Variants in RANBP2 observed in about 807,000 individuals in gnomAD.
RANBP2 encodes E3 SUMO-protein ligase RanBP2.
A neutral mutation model predicts 303.6 loss-of-function variants in RANBP2; 57 were observed. The ratio of observed to expected loss-of-function variants is 0.19; its 90% CI spans 0.15 to 0.23. The LOEUF (loss-of-function observed/expected upper bound fraction) is 0.23, where lower values mean the gene tolerates loss of function less well. Among genes scored for constraint, RANBP2 ranks in the 10% least tolerant of loss-of-function variants. The pLI is 1.00. For synonymous variants in RANBP2, 1,167 were observed against 1,301.5 expected (o/e 0.90, Z 2.23); for missense variants, 3,138 against 3,780.8 (o/e 0.83, Z 4.46).
the RANBP2 span, among the ~76,000 whole-genome samples, chr2:109,451,879 G>A: frequency 6.6e-6 from 1 of 152,350 alleles, no homozygotes; most frequent in South Asian, 2.1e-4. Context: ...CTGGACACAT[G>A]CTGTGGGAGC....
downstream of RANBP2, chr2:108,788,902 T>C: frequency 6.2e-7 from 1 of 1,614,062 alleles, no homozygotes; most frequent in Non-Finnish European, 8.5e-7. Flanking sequence ...GTTAAAATAT[T>C]CTGATGAAAG....
At chr2:108,950,625 G>C in the RANBP2 span, among the ~76,000 whole-genome samples, 5 of 152,322 alleles carry the variant, frequency 3.3e-5, no homozygotes, top group Middle Eastern at 3.4e-3. Context: ...TCTGCATTCT[G>C]GACGTGACAC....
the RANBP2 span, among the ~76,000 whole-genome samples, chr2:109,445,030 G>A: frequency 6.6e-6 from 1 of 152,034 alleles, no homozygotes; most frequent in Non-Finnish European, 1.5e-5. Flanking sequence ...ATTTTGGAGA[G>A]GAAAAATATA....
the RANBP2 span, among the ~76,000 whole-genome samples, chr2:108,912,509 A>C: frequency 6.6e-6 from 1 of 152,164 alleles, no homozygotes; most frequent in African/African-American, 2.4e-5. Flanking sequence ...TTGCAGATAT[A>C]ATGACTTCCT....
At chr2:109,398,940 C>G in the RANBP2 span, 2 of 1,610,402 alleles carry the variant, frequency 1.2e-6, no homozygotes, top group Non-Finnish European at 1.7e-6. Flanking sequence ...CTGCTCCCAC[C>G]CAGGTAACAT....
downstream of RANBP2, among the ~76,000 whole-genome samples, chr2:108,788,466 C>T (rs1314731314): frequency 6.6e-6 from 1 of 151,388 alleles, no homozygotes; most frequent in Non-Finnish European, 1.5e-5. Flanking sequence ...CGCCTGTAAT[C>T]CCAGCACTTT....
chr2:109,052,644 C>T, the RANBP2 span, among the ~76,000 whole-genome samples: 1 of 152,142 alleles, frequency 6.6e-6, no homozygotes, highest in Admixed American at 6.5e-5. Context: ...ACACGAGCAA[C>T]AAAGCTGAGG....
At chr2:109,255,332 C>T in the RANBP2 span, among the ~76,000 whole-genome samples, 2 of 152,160 alleles carry the variant, frequency 1.3e-5, no homozygotes, top group Non-Finnish European at 2.9e-5. Context: ...TTGAGTAAAG[C>T]TACTCTAAGA....
At chr2:109,686,187 G>T in the RANBP2 span, among the ~76,000 whole-genome samples, 2 of 152,114 alleles carry the variant, frequency 1.3e-5, no homozygotes, top group African/African-American at 2.4e-5. Flanking sequence ...GGTGGGGAGG[G>T]CCCTGGGTTT....
At chr2:109,174,362 G>T in the RANBP2 span, among the ~76,000 whole-genome samples, 1 of 152,218 alleles carries the variant, frequency 6.6e-6, no homozygotes, top group African/African-American at 2.4e-5. Flanking sequence ...CTGGGTTTTT[G>T]ACTTCCTTTC....
the RANBP2 span, among the ~76,000 whole-genome samples, chr2:109,644,879 T>G: frequency 1.3e-5 from 2 of 152,160 alleles, no homozygotes; most frequent in African/African-American, 2.4e-5. Context: ...GCCTGTCACT[T>G]TAAACAACCA....
the RANBP2 span, among the ~76,000 whole-genome samples, chr2:109,244,284 A>T: frequency 6.6e-6 from 1 of 152,260 alleles, no homozygotes; most frequent in South Asian, 2.1e-4. Context: ...GCATTATGCA[A>T]CAGCTTCTTC....
chr2:108,807,650 T>C, the RANBP2 span, among the ~76,000 whole-genome samples: 1 of 152,202 alleles, frequency 6.6e-6, no homozygotes, highest in Non-Finnish European at 1.5e-5. Flanking sequence ...ATGAGTCTCA[T>C]TCTGATGCCC....
At chr2:109,407,822 T>C in the RANBP2 span, among the ~76,000 whole-genome samples, 1 of 152,372 alleles carries the variant, frequency 6.6e-6, no homozygotes, top group East Asian at 1.9e-4. Context: ...TGTACCTCCA[T>C]GACTTACCAA....
the RANBP2 span, among the ~76,000 whole-genome samples, chr2:109,136,833 A>G: frequency 8.9e-4 from 136 of 152,306 alleles, no homozygotes; most frequent in African/African-American, 3.0e-3. Context: ...ATTTAGAAGC[A>G]TGCTTGCACC....
the RANBP2 span, among the ~76,000 whole-genome samples, chr2:109,064,317 A>C: frequency 6.6e-6 from 1 of 151,938 alleles, no homozygotes; most frequent in Non-Finnish European, 1.5e-5. Context: ...TTAGCCGGGC[A>C]TGGTGTCGGG....
chr2:109,294,497 G>A, the RANBP2 span, among the ~76,000 whole-genome samples: 2 of 151,400 alleles, frequency 1.3e-5, no homozygotes, highest in Admixed American at 1.3e-4. Flanking sequence ...GGAGGTGGAG[G>A]TTGCAGTGAG....
chr2:109,396,665 G>A, the RANBP2 span, among the ~76,000 whole-genome samples: 1 of 152,214 alleles, frequency 6.6e-6, no homozygotes, highest in Admixed American at 6.5e-5. Flanking sequence ...CAGCATTGAG[G>A]GGAATCTCCT....
chr2:109,731,473 C>T, the RANBP2 span, among the ~76,000 whole-genome samples: 1 of 151,958 alleles, frequency 6.6e-6, no homozygotes, highest in Non-Finnish European at 1.5e-5. Context: ...CAGCTGGCTG[C>T]TACCTCCGCC....
Sources: gnomAD v4.1 joint callset for allele counts (sites outside exome capture counted in the v4.1 genomes callset) on GRCh38, gnomAD v4.1.1 for gene constraint, MANE v1.5 for transcripts, NCBI Gene and HGNC (gene_info 2026-07-23, HGNC 2026-07-21) for gene names.